PDE8B: variants seen among roughly 807,000 people sequenced by gnomAD.
The protein encoded by PDE8B is high affinity cAMP-specific and IBMX-insensitive 3',5'-cyclic phosphodiesterase 8B.
PDE8B carries 26 observed loss-of-function variants against 101.3 expected under a neutral mutation model. The observed-to-expected ratio is 0.26, with a 90% confidence interval of 0.19 to 0.36. The LOEUF is 0.36. Ranked by LOEUF, PDE8B falls within the 10% of genes least tolerant of loss-of-function variation. PDE8B has a pLI of 1.00. For missense variants in PDE8B, 810 were observed against 1,163.1 expected, an observed-to-expected ratio of 0.70 and a Z score of 4.42; for synonymous variants, 424 against 429.3, an observed-to-expected ratio of 0.99 and a Z score of 0.15.
At chr5:77,367,530 CTTTTTT>C (rs3031815) in intron 10 of PDE8B, among the ~76,000 whole-genome samples, 2 of 109,492 alleles carry the variant, frequency 1.8e-5, no homozygotes, top group African/African-American at 3.1e-5. Context: ...CTTTTTCTCT[CTTTTTT>C]TTTTTTTTTT....
intron 1 of PDE8B, among the ~76,000 whole-genome samples, chr5:77,273,957 G>C (rs1021678187): frequency 6.6e-6 from 1 of 152,058 alleles, no homozygotes; most frequent in East Asian, 1.9e-4. Flanking sequence ...CGAGTAGCTA[G>C]GATTACAGAC....
intron 1 of PDE8B, among the ~76,000 whole-genome samples, chr5:77,217,389 G>A (rs915335283): frequency 2.0e-5 from 3 of 151,778 alleles, no homozygotes; most frequent in African/African-American, 7.3e-5. Flanking sequence ...TTTGCTATGT[G>A]CTTGTAAGGT....
chr5:77,106,495 A>G, the PDE8B span, among the ~76,000 whole-genome samples: 3 of 152,204 alleles, frequency 2.0e-5, no homozygotes, highest in Admixed American at 1.3e-4. Flanking sequence ...TCTCTGCCAC[A>G]TTGATCGCAT....
chr5:77,162,674 T>C, the PDE8B span, among the ~76,000 whole-genome samples: 15 of 152,224 alleles, frequency 9.9e-5, no homozygotes, highest in Non-Finnish European at 2.2e-4. Flanking sequence ...GTATTCTTCA[T>C]TTTAATATTG....
intron 5 of PDE8B, among the ~76,000 whole-genome samples, chr5:77,333,909 C>T (rs543729109): frequency 6.6e-6 from 1 of 152,344 alleles, no homozygotes; most frequent in African/African-American, 2.4e-5. Context: ...CGGTAGCTGT[C>T]AGGGACCACC....
chr5:77,291,462 G>C (rs1767326790), intron 1 of PDE8B: 12 of 1,611,184 alleles, frequency 7.4e-6, no homozygotes, highest in African/African-American at 2.7e-5. Context: ...TGCACACACA[G>C]AGACTTTTGC....
intron 1 of PDE8B, among the ~76,000 whole-genome samples, chr5:77,275,268 C>T (rs540160876): frequency 1.3e-5 from 2 of 152,310 alleles, no homozygotes; most frequent in South Asian, 4.1e-4. Context: ...CAGCCCCACC[C>T]TAGAGGTAAC....
rs762783913 is a variant in PDE8B at position 77,349,526 on chromosome 5, C to T, written c.984C>T (p.Leu328=). ...GCGATAAGAACCGGGCAGACCTTCTCGACACCATCAATACATGCATCAAGA... is the reference window on the plus strand; with the variant it reads ...GCGATAAGAACCGGGCAGACCTTCTTGACACCATCAATACATGCATCAAGA... ...PKSDKNRADL[L]DTINTCIKKG... Residue 328 remains leucine, a synonymous_variant, in exon 8 of 22, where the codon CTC becomes CTT. Transcript: ENST00000264917. 3.5e-5 allele frequency: 56 copies of T among 1,614,040 alleles called. No individual in the cohort carries two copies. The highest frequency in any genetic ancestry group is 4.6e-5 in the Non-Finnish European group (54 of 1,180,036).
chr5:77,160,801 C>A, the PDE8B span, among the ~76,000 whole-genome samples: 7 of 152,046 alleles, frequency 4.6e-5, no homozygotes, highest in East Asian at 9.7e-4. Flanking sequence ...CAGAAGTGGG[C>A]CACCATGCCT....
chr5:77,112,269 G>C, the PDE8B span: 2 of 152,082 alleles, frequency 1.3e-5, no homozygotes, highest in African/African-American at 4.8e-5. Flanking sequence ...CATAATAGTT[G>C]ATCCAAAATT....
At chr5:77,245,860 C>CCCCCCCCCCCCCT (rs1756822569) in intron 1 of PDE8B, among the ~76,000 whole-genome samples, 1 of 92,918 alleles carries the variant, frequency 1.1e-5, no homozygotes, top group African/African-American at 5.7e-5. Flanking sequence ...CCCCCCCCCC[C>CCCCCCCCCCCCCT]CAACTTTTTG....
intron 1 of PDE8B, among the ~76,000 whole-genome samples, chr5:77,310,379 G>A (rs1772322909): frequency 6.6e-6 from 1 of 152,268 alleles, no homozygotes; most frequent in Non-Finnish European, 1.5e-5. Context: ...GACGCAGCAG[G>A]TTCTGGTGCT....
chr5:77,363,542 T>A (rs921953032), intron 10 of PDE8B, among the ~76,000 whole-genome samples: 2 of 151,802 alleles, frequency 1.3e-5, no homozygotes, highest in Non-Finnish European at 2.9e-5. Flanking sequence ...TGAAAACCCA[T>A]CTCTACTAAA....
intron 10 of PDE8B, among the ~76,000 whole-genome samples, chr5:77,370,782 A>G (rs1172497594): frequency 6.6e-6 from 1 of 152,240 alleles, no homozygotes. Context: ...AGAACAATGT[A>G]TGAGGGATTC....
At chr5:77,346,174 A>G (rs1780114529) in intron 7 of PDE8B, among the ~76,000 whole-genome samples, 1 of 152,226 alleles carries the variant, frequency 6.6e-6, no homozygotes, top group East Asian at 1.9e-4. Context: ...CTGTATTGTT[A>G]GAATATGTTT....
intron 1 of PDE8B, chr5:77,291,776 T>A: frequency 6.3e-7 from 1 of 1,579,532 alleles, no homozygotes; most frequent in Non-Finnish European, 8.7e-7. Context: ...AAGACTTTCC[T>A]CTGGCCCAAG....
At chr5:77,130,367 G>A in the PDE8B span, among the ~76,000 whole-genome samples, 1 of 152,060 alleles carries the variant, frequency 6.6e-6, no homozygotes, top group Non-Finnish European at 1.5e-5. Flanking sequence ...TCATAAAGAC[G>A]TTAGTTCTCC....
At chr5:77,265,674 C>G (rs559539742) in intron 1 of PDE8B, among the ~76,000 whole-genome samples, 1 of 152,202 alleles carries the variant, frequency 6.6e-6, no homozygotes, top group Non-Finnish European at 1.5e-5. Context: ...AGTACCTTCC[C>G]TCTCTGGGCT....
At chr5:77,097,734 C>CTATATATATATATCTATATATATATATTT in the PDE8B span, among the ~76,000 whole-genome samples, 2 of 26,836 alleles carry the variant, frequency 7.5e-5, no homozygotes, top group African/African-American at 1.6e-4. Context: ...TATATATATA[C>CTATATATATATATCTATATATATATATTT]ATACATATGA....
Sources: gnomAD v4.1 joint callset for allele counts (sites outside exome capture counted in the v4.1 genomes callset) on GRCh38, gnomAD v4.1.1 for gene constraint, MANE v1.5 for transcripts, NCBI Gene and HGNC (gene_info 2026-07-23, HGNC 2026-07-21) for gene names.